PDE4D: variants seen among roughly 807,000 people sequenced by gnomAD.
PDE4D encodes 3',5'-cyclic-AMP phosphodiesterase 4D.
A neutral mutation model predicts 87.4 loss-of-function variants in PDE4D; 24 were observed. The ratio of observed to expected loss-of-function variants is 0.27; its 90% CI spans 0.20 to 0.39. The LOEUF is 0.39. Among genes scored for constraint, PDE4D ranks in the 10% least tolerant of loss-of-function variants. PDE4D has a pLI of 1.00. For synonymous variants in PDE4D, 384 were observed against 383.2 expected (o/e 1.00, Z -0.02); for missense variants, 714 against 1,041.0 (o/e 0.69, Z 4.32).
At chr5:59,542,343 C>A (rs1319144076) in intron 1 of PDE4D, among the ~76,000 whole-genome samples, 3 of 152,078 alleles carry the variant, frequency 2.0e-5, no homozygotes, top group Non-Finnish European at 4.4e-5. Context: ...TCACACTGTA[C>A]AGAGAGTACA....
intron 1 of PDE4D, among the ~76,000 whole-genome samples, chr5:60,425,116 A>G (rs1221348423): frequency 6.6e-6 from 1 of 152,234 alleles, no homozygotes; most frequent in East Asian, 1.9e-4. Context: ...GCCCAAGGTA[A>G]TTTATAGATT....
chr5:59,403,291 T>G (rs1417214953), intron 1 of PDE4D, among the ~76,000 whole-genome samples: 1 of 152,196 alleles, frequency 6.6e-6, no homozygotes, highest in Non-Finnish European at 1.5e-5. Flanking sequence ...ATTTACCCTT[T>G]AAGTTACAAA....
intron 1 of PDE4D, among the ~76,000 whole-genome samples, chr5:59,420,655 C>T (rs182115917): frequency 2.7e-5 from 4 of 146,476 alleles, no homozygotes; most frequent in Non-Finnish European, 4.5e-5. Context: ...GATTGTGTTA[C>T]TCTTGATGTC....
intron 1 of PDE4D, among the ~76,000 whole-genome samples, chr5:60,212,013 A>T (rs911890153): frequency 2.0e-5 from 3 of 152,198 alleles, no homozygotes; most frequent in African/African-American, 7.2e-5. Context: ...GAGGCTCATA[A>T]ATCTAGAAGC....
At chr5:59,215,743 G>A (rs369905919) in intron 2 of PDE4D, 34 bp downstream of exon 2, 24 of 1,580,958 alleles carry the variant, frequency 1.5e-5, no homozygotes, top group East Asian at 1.3e-4. Context: ...AAATTTACTC[G>A]GTTTTCTCTC....
intron 1 of PDE4D, among the ~76,000 whole-genome samples, chr5:60,311,582 GA>G (rs1362437853): frequency 6.6e-6 from 1 of 152,078 alleles, no homozygotes; most frequent in Admixed American, 6.5e-5. Flanking sequence ...AATATGAAAA[GA>G]AAAGAACATT....
intron 1 of PDE4D, among the ~76,000 whole-genome samples, chr5:59,341,139 A>G (rs990911352): frequency 2.6e-5 from 4 of 152,186 alleles, no homozygotes; most frequent in East Asian, 1.9e-4. Context: ...CAAGTGCTCT[A>G]TGGCTACTAG....
chr5:60,486,300 T>C (rs143032569), intron 1 of PDE4D, among the ~76,000 whole-genome samples: 4 of 152,330 alleles, frequency 2.6e-5, no homozygotes, highest in African/African-American at 4.8e-5. Context: ...TATTCGTGTC[T>C]ATGGCTACAG....
chr5:59,356,305 C>T (rs1359033103), intron 1 of PDE4D, among the ~76,000 whole-genome samples: 2 of 152,128 alleles, frequency 1.3e-5, no homozygotes, highest in Non-Finnish European at 2.9e-5. Flanking sequence ...ACATGTAATT[C>T]TGCTGGGCAA....
chr5:60,401,686 C>T (rs1040542239), intron 1 of PDE4D, among the ~76,000 whole-genome samples: 7 of 152,222 alleles, frequency 4.6e-5, no homozygotes, highest in Non-Finnish European at 8.8e-5. Context: ...CTGGCTAATT[C>T]TTCATCTTAA....
intron 1 of PDE4D, among the ~76,000 whole-genome samples, chr5:60,404,161 C>CTTTTTTTTTTTTTTTTTTTTTTTTTT (rs35780128): frequency 1.7e-5 from 2 of 119,362 alleles, no homozygotes; most frequent in Non-Finnish European, 3.4e-5. Flanking sequence ...TCAGCCAATT[C>CTTTTTTTTTTTTTTTTTTTTTTTTTT]TTTTTTTTTT....
At chr5:60,416,959 G>A (rs992682302) in intron 1 of PDE4D, among the ~76,000 whole-genome samples, 3 of 152,180 alleles carry the variant, frequency 2.0e-5, no homozygotes, top group African/African-American at 7.2e-5. Context: ...ATGCTACCAT[G>A]ACTAATCACA....
At chr5:58,998,587 A>AT (rs990906722) in intron 6 of PDE4D, among the ~76,000 whole-genome samples, 4 of 152,122 alleles carry the variant, frequency 2.6e-5, no homozygotes, top group Non-Finnish European at 5.9e-5. Flanking sequence ...AAGTTTTCTA[A>AT]TTTTTTTAGA....
intron 1 of PDE4D, among the ~76,000 whole-genome samples, chr5:60,245,228 T>C (rs1338238858): frequency 6.6e-6 from 1 of 151,934 alleles, no homozygotes; most frequent in Non-Finnish European, 1.5e-5. Context: ...AAAACTACAA[T>C]GAGATATCAT....
intron 1 of PDE4D, among the ~76,000 whole-genome samples, chr5:59,679,506 T>G (rs1464430038): frequency 6.6e-6 from 1 of 152,184 alleles, no homozygotes; most frequent in Non-Finnish European, 1.5e-5. Context: ...TACAAACCCT[T>G]TGGGTAATAC....
At chr5:59,205,764 C>T (rs2153499508) in intron 2 of PDE4D, among the ~76,000 whole-genome samples, 1 of 150,892 alleles carries the variant, frequency 6.6e-6, no homozygotes, top group South Asian at 2.1e-4. Flanking sequence ...TCTGTAAGCA[C>T]CAAAGAAAAA....
At position 59,262,855 on chromosome 5, in the gene PDE4D, A is replaced by G. The variant is rs183970990; in HGVS notation, c.456-46887T>C. Among the ~76,000 whole-genome samples the G allele has an allele frequency of 2.2e-3, 329 of 151,990 alleles. 2 individuals carry two copies. The highest frequency in any genetic ancestry group is 3.5e-3 in the Admixed American group (53 of 15,220). On this transcript the variant is annotated intron_variant, in intron 1 of 14. Transcript: ENST00000340635. The stretch of plus-strand genomic sequence containing the variant: ...ATTTATCAGCATTTCTATATGCACT[A>G]CTCTTTACTAGTTTATGACACGAGA...
At chr5:60,131,074 C>T (rs1175542010) in intron 2 of PDE4D, among the ~76,000 whole-genome samples, 1 of 152,150 alleles carries the variant, frequency 6.6e-6, no homozygotes, top group Non-Finnish European at 1.5e-5. Context: ...AATTTACACC[C>T]TCAAGGTTTT....
chr5:59,484,115 T>C (rs950374964), intron 1 of PDE4D, among the ~76,000 whole-genome samples: 5 of 152,134 alleles, frequency 3.3e-5, no homozygotes, highest in Non-Finnish European at 5.9e-5. Context: ...TGCTTCCCAA[T>C]ATCATCAACT....
Sources: gnomAD v4.1 joint callset for allele counts (sites outside exome capture counted in the v4.1 genomes callset) on GRCh38, gnomAD v4.1.1 for gene constraint, MANE v1.5 for transcripts, NCBI Gene and HGNC (gene_info 2026-07-23, HGNC 2026-07-21) for gene names.